Variants in SHOC2 observed in about 807,000 individuals in gnomAD.
The protein encoded by SHOC2 is leucine-rich repeat protein SHOC-2.
A neutral mutation model predicts 50.2 loss-of-function variants in SHOC2; 4 were observed. That is an observed-to-expected ratio of 0.08 (90% CI 0.04 to 0.18). SHOC2 has a LOEUF of 0.18. Among genes scored for constraint, SHOC2 ranks in the 10% least tolerant of loss-of-function variants. The pLI is 1.00. For missense variants in SHOC2, 388 were observed against 669.6 expected (o/e 0.58, Z 4.64); for synonymous variants, 218 against 244.5 (o/e 0.89, Z 1.01).
intron 1 of SHOC2, among the ~76,000 whole-genome samples, chr10:110,942,309 G>T (rs1360690353): frequency 6.6e-6 from 1 of 152,056 alleles, no homozygotes; most frequent in East Asian, 1.9e-4. Flanking sequence ...TTTATTTAGG[G>T]TCTAACTTTA....
chr10:110,973,458 T>C (rs1363012794), intron 2 of SHOC2, among the ~76,000 whole-genome samples: 1 of 152,194 alleles, frequency 6.6e-6, no homozygotes, highest in Non-Finnish European at 1.5e-5. Flanking sequence ...ATTTTTTTTG[T>C]CTGTATTCAT....
At chr10:110,929,663 T>A (rs923828387) in intron 1 of SHOC2, among the ~76,000 whole-genome samples, 1 of 152,202 alleles carries the variant, frequency 6.6e-6, no homozygotes, top group Admixed American at 6.5e-5. Flanking sequence ...TGGCAGAAAG[T>A]GAGAGAGCAA....
At chr10:110,939,610 G>A (rs1227626960) in intron 1 of SHOC2, among the ~76,000 whole-genome samples, 1 of 152,070 alleles carries the variant, frequency 6.6e-6, no homozygotes, top group African/African-American at 2.4e-5. Flanking sequence ...AGATTATGAC[G>A]TATGTCAACT....
At chr10:110,982,053 T>C (rs1456823040) in intron 2 of SHOC2, among the ~76,000 whole-genome samples, 1 of 133,948 alleles carries the variant, frequency 7.5e-6, no homozygotes, top group African/African-American at 2.8e-5. Context: ...CCCCTTCCTG[T>C]GTCCATGTGA....
intron 2 of SHOC2, among the ~76,000 whole-genome samples, chr10:110,983,464 C>G (rs943373669): frequency 5.9e-5 from 9 of 152,208 alleles, no homozygotes; most frequent in Admixed American, 5.2e-4. Context: ...CTATAAACTT[C>G]CCTCTTAGCA....
chr10:110,989,616 A>G (rs1848144352), intron 3 of SHOC2, among the ~76,000 whole-genome samples: 1 of 152,186 alleles, frequency 6.6e-6, no homozygotes, highest in Non-Finnish European at 1.5e-5. Flanking sequence ...ATAAGAGGCC[A>G]GTCCATTTTC....
At chr10:110,977,321 GGCCCACC>G in intron 2 of SHOC2, among the ~76,000 whole-genome samples, 1 of 150,908 alleles carries the variant, frequency 6.6e-6, no homozygotes, top group East Asian at 2.0e-4. Context: ...GTGTGATCTC[GGCCCACC>G]GCAGTCTCTG....
At position 111,011,659 on chromosome 10, in the gene SHOC2, G is replaced by A; in HGVS notation, c.1590G>A (p.Leu530=). Residue 530 remains leucine (L), a synonymous_variant, in exon 9 of 9, where the codon CTG becomes CTA. Coordinates refer to ENST00000369452, the MANE Select transcript of SHOC2 (RefSeq NM_007373.4). The part of the protein sequence containing the change: ...EELYLNDNPN[L]HSLPFELALC... ...TGTATTTGAATGACAACCCCAACCT[G>A]CATAGCCTTCCCTTTGAGCTGGCAC... 6.2e-7 allele frequency: 1 copy of A among 1,613,818 alleles called. No homozygotes were observed. Among genetic ancestry groups the A allele is most frequent in the Non-Finnish European group, 8.5e-7 (1 of 1,179,884 alleles).
intron 3 of SHOC2, among the ~76,000 whole-genome samples, chr10:110,994,825 G>T (rs1159476657): frequency 6.6e-6 from 1 of 152,156 alleles, no homozygotes. Context: ...GTGATGTGGT[G>T]GGGTGGGAGG....
rs1848489908 is a variant in SHOC2 at position 111,007,395 on chromosome 10, T to G, written c.1162-136T>G. The stretch of plus-strand genomic sequence containing the variant: ...CTTAGAGTTTTCTGTTGCTGATTTT[T>G]TTTCTTTCTATATTTAAATATCAAA... On this transcript the variant is annotated intron_variant, in intron 5 of 8. Coordinates refer to ENST00000369452, the MANE Select transcript of SHOC2 (RefSeq NM_007373.4). The G allele has an allele frequency of 4.0e-6, 4 of 998,548 alleles. No homozygotes were observed. The South Asian group carries it at 6.0e-5, about 15-fold the overall frequency. 61.9% of individuals were successfully genotyped at this position (998,548 alleles called of 1,614,324 possible).
At chr10:110,991,247 A>G (rs1442399706) in intron 3 of SHOC2, among the ~76,000 whole-genome samples, 3 of 152,244 alleles carry the variant, frequency 2.0e-5, no homozygotes, top group Non-Finnish European at 4.4e-5. Flanking sequence ...GATATATGAT[A>G]CAGTCTTCTA....
intron 6 of SHOC2, 123 bp downstream of exon 6, chr10:111,007,776 A>G: frequency 1.1e-6 from 1 of 942,250 alleles, no homozygotes; most frequent in South Asian, 1.4e-5. Flanking sequence ...GTTAGAACTC[A>G]CTTAAACATA....
At chr10:110,989,827 A>G (rs1234815023) in intron 3 of SHOC2, among the ~76,000 whole-genome samples, 1 of 152,182 alleles carries the variant, frequency 6.6e-6, no homozygotes, top group East Asian at 1.9e-4. Flanking sequence ...TATTCAGTAT[A>G]TATTCAGGGT....
chr10:110,923,439 C>T (rs1448626397), intron 1 of SHOC2, among the ~76,000 whole-genome samples: 1 of 152,064 alleles, frequency 6.6e-6, no homozygotes, highest in Non-Finnish European at 1.5e-5. Flanking sequence ...CTTTTTAACA[C>T]AGCATCTTTA....
chr10:110,972,963 C>T (rs775824205), intron 2 of SHOC2, among the ~76,000 whole-genome samples: 13 of 152,190 alleles, frequency 8.5e-5, no homozygotes, highest in Non-Finnish European at 1.5e-4. Flanking sequence ...GACATTGTAC[C>T]GTAAAGACAG....
Position 110,964,396 on chromosome 10 carries a change from A to G in SHOC2, c.38A>G (p.Glu13Gly), listed in dbSNP as rs730881018. 2.5e-6 allele frequency: 4 copies of G among 1,613,186 alleles called. No homozygotes were observed. The South Asian group carries it at 3.3e-5, about 13-fold the overall frequency. ...SSLGKEKDSKEKDPKVPSAKE... is the reference protein window; with the variant it reads ...SSLGKEKDSKGKDPKVPSAKE... ...TTAGGAAAAGAAAAAGACTCTAAAGAAAAAGATCCCAAAGTACCATCAGCC... is the reference window on the plus strand; with the variant it reads ...TTAGGAAAAGAAAAAGACTCTAAAGGAAAAGATCCCAAAGTACCATCAGCC... The change falls in exon 2 of 9, where the codon GAA (glutamate) becomes GGA (glycine). Residue 13 changes from glutamate to glycine, a missense_variant. Transcript: ENST00000369452. This position sits in a 1 kb window ranked among gnomAD's most constrained non-coding sequence, Gnocchi z 4.9.
At chr10:110,988,955 T>G (rs752267809) in intron 3 of SHOC2, 2 of 516,606 alleles carry the variant, frequency 3.9e-6, no homozygotes, top group South Asian at 2.9e-5. Context: ...GCAATCGCGG[T>G]TTTTGCTATT....
chr10:111,005,039 G>C (rs1848443395), intron 5 of SHOC2, among the ~76,000 whole-genome samples: 1 of 152,178 alleles, frequency 6.6e-6, no homozygotes, highest in Non-Finnish European at 1.5e-5. Flanking sequence ...TGTAATCCCA[G>C]TGCTTTGGAA....
intron 3 of SHOC2, among the ~76,000 whole-genome samples, chr10:110,999,850 A>ATAACTT (rs1474917900): frequency 6.6e-6 from 1 of 152,012 alleles, no homozygotes; most frequent in Non-Finnish European, 1.5e-5. Context: ...AAAAGAGACT[A>ATAACTT]TAACTTTCAC....
Sources: gnomAD v4.1 joint callset for allele counts (sites outside exome capture counted in the v4.1 genomes callset) on GRCh38, gnomAD v4.1.1 for gene constraint, Gnocchi (gnomAD v3.1) non-coding constraint, MANE v1.5 for transcripts, NCBI Gene and HGNC (gene_info 2026-07-23, HGNC 2026-07-21) for gene names.